The following CACNA2D3 variants were observed in gnomAD, a reference collection of about 807,000 sequenced individuals.
The protein encoded by CACNA2D3 is voltage-dependent calcium channel subunit alpha-2/delta-3.
CACNA2D3 carries 60 observed loss-of-function variants against 160.6 expected under a neutral mutation model. That is an observed-to-expected ratio of 0.37 (90% CI 0.30 to 0.46). The LOEUF (loss-of-function observed/expected upper bound fraction) is 0.46. CACNA2D3 is among the 20% of genes least tolerant of loss of function. CACNA2D3 has a pLI of 1.00. For missense variants in CACNA2D3, 1,205 were observed against 1,365.0 expected (o/e 0.88, Z 1.85); for synonymous variants, 558 against 492.9 (o/e 1.13, Z -1.75).
At chr3:54,986,723 C>A (rs1702622335) in intron 30 of CACNA2D3, among the ~76,000 whole-genome samples, 1 of 146,860 alleles carries the variant, frequency 6.8e-6, no homozygotes, top group African/African-American at 2.5e-5. Context: ...TATTGCAGTG[C>A]CCTCCACCCA....
At chr3:54,493,985 C>T (rs1701157847) in intron 4 of CACNA2D3, among the ~76,000 whole-genome samples, 1 of 152,236 alleles carries the variant, frequency 6.6e-6, no homozygotes, top group Admixed American at 6.5e-5. Flanking sequence ...TGAACCACTT[C>T]CTGAGCCTGG....
chr3:54,800,613 A>T (rs1037897851), intron 13 of CACNA2D3, among the ~76,000 whole-genome samples: 3 of 152,196 alleles, frequency 2.0e-5, no homozygotes, highest in African/African-American at 7.2e-5. Context: ...CCTTAGCTAT[A>T]TGTAATATGA....
intron 2 of CACNA2D3, among the ~76,000 whole-genome samples, chr3:54,260,936 C>T (rs11717269): frequency 6.6e-6 from 1 of 152,112 alleles, no homozygotes; most frequent in Non-Finnish European, 1.5e-5. Flanking sequence ...TCATTTCCTC[C>T]AGTTCAGCTT....
chr3:54,588,667 C>T (rs1291902750), intron 9 of CACNA2D3, among the ~76,000 whole-genome samples: 1 of 151,960 alleles, frequency 6.6e-6, no homozygotes, highest in Admixed American at 6.6e-5. Flanking sequence ...AAACAATGAA[C>T]CTATGGTAAC....
intron 35 of CACNA2D3, among the ~76,000 whole-genome samples, chr3:55,024,935 A>C (rs978718264): frequency 2.6e-5 from 4 of 152,154 alleles, no homozygotes; most frequent in South Asian, 2.1e-4. Context: ...TGGTTTTGTG[A>C]GGTAAATGCC....
intron 5 of CACNA2D3, among the ~76,000 whole-genome samples, chr3:54,519,244 G>A (rs1162656055): frequency 1.3e-5 from 2 of 152,230 alleles, no homozygotes; most frequent in East Asian, 3.9e-4. Flanking sequence ...TGGTTTCTAA[G>A]ATGAGAGGTC....
intron 5 of CACNA2D3, among the ~76,000 whole-genome samples, chr3:54,545,510 A>T (rs568103735): frequency 1.3e-5 from 2 of 152,196 alleles, no homozygotes; most frequent in African/African-American, 4.8e-5. Flanking sequence ...GACTTGCAAC[A>T]TTATTTCCCA....
chr3:54,948,418 G>A (rs1025064340), intron 27 of CACNA2D3, among the ~76,000 whole-genome samples: 4 of 152,234 alleles, frequency 2.6e-5, no homozygotes, highest in Non-Finnish European at 5.9e-5. Context: ...GGGCATATAT[G>A]TGTTTGCCTT....
intron 3 of CACNA2D3, among the ~76,000 whole-genome samples, chr3:54,358,899 AT>A: frequency 6.6e-6 from 1 of 152,008 alleles, no homozygotes; most frequent in South Asian, 2.1e-4. Context: ...TTCTAGGACA[AT>A]TTTTTTTCCT....
At chr3:54,211,990 T>G (rs1443493003) in intron 2 of CACNA2D3, among the ~76,000 whole-genome samples, 1 of 151,880 alleles carries the variant, frequency 6.6e-6, no homozygotes, top group Non-Finnish European at 1.5e-5. Flanking sequence ...GGGACAGAAA[T>G]CTCAACTTCA....
At chr3:54,922,818 C>G (rs1196700463) in intron 27 of CACNA2D3, among the ~76,000 whole-genome samples, 1 of 152,108 alleles carries the variant, frequency 6.6e-6, no homozygotes, top group African/African-American at 2.4e-5. Context: ...CACACTCACT[C>G]ACTCCCCCCA....
At chr3:54,509,244 A>T (rs1369463274) in intron 5 of CACNA2D3, among the ~76,000 whole-genome samples, 4 of 151,888 alleles carry the variant, frequency 2.6e-5, no homozygotes, top group African/African-American at 9.7e-5. Flanking sequence ...GCTGTTTAAA[A>T]TTTTTTCCTT....
At chr3:54,179,282 C>A (rs992467174) in intron 2 of CACNA2D3, among the ~76,000 whole-genome samples, 4 of 152,200 alleles carry the variant, frequency 2.6e-5, no homozygotes, top group Admixed American at 6.5e-5. Context: ...TCAGAAGTTG[C>A]CTGTGGATTA....
intron 4 of CACNA2D3, among the ~76,000 whole-genome samples, chr3:54,477,388 C>T (rs1205243064): frequency 1.3e-5 from 2 of 152,080 alleles, no homozygotes; most frequent in Admixed American, 6.6e-5. Context: ...TCCTCCGGAG[C>T]AGACTGCCTC....
rs188391037 is a variant in CACNA2D3 at position 54,165,942 on chromosome 3, A to G, written c.204+42348A>G. Among the ~76,000 whole-genome samples, 138 of 152,334 alleles carry G rather than the reference A, an allele frequency of 9.1e-4. 1 individual carries two copies. Among genetic ancestry groups the G allele is most frequent in the Non-Finnish European group, 1.6e-3 (109 of 68,026 alleles). ...TGTGGTCACCAGAAATATGCATTTG[A>G]TCTCCAGTGGTGTAAACTGAAGTGT... On this transcript the variant is annotated intron_variant, in intron 2 of 37. Coordinates refer to ENST00000474759, the MANE Select transcript of CACNA2D3 (RefSeq NM_018398.3).
At chr3:54,705,422 C>T (rs72872236) in intron 11 of CACNA2D3, among the ~76,000 whole-genome samples, 2,615 of 152,174 alleles carry the variant, frequency 0.017, 81 homozygotes, top group African/African-American at 0.06. Flanking sequence ...TTTGTAAAGA[C>T]GTTGTCCCCA....
In CACNA2D3 at chr3:54,217,061, C is replaced by T. The variant is rs533489788; in HGVS notation, c.204+93467C>T. Reference sequence around the variant, plus strand: ...GAGGCAGCCTCCTGACTGAGGAAGGCCCACGGGACTGAGAGATAGGAGCAG... The same window carrying T: ...GAGGCAGCCTCCTGACTGAGGAAGGTCCACGGGACTGAGAGATAGGAGCAG... On this transcript the variant is annotated intron_variant, in intron 2 of 37. Coordinates refer to ENST00000474759, the MANE Select transcript of CACNA2D3 (RefSeq NM_018398.3). Among the ~76,000 whole-genome samples, 16 of 152,244 alleles carry T rather than the reference C, an allele frequency of 1.1e-4. 1 individual carries two copies. Among genetic ancestry groups the T allele is most frequent in the African/African-American group, 3.9e-4 (16 of 41,544 alleles).
At chr3:54,699,727 G>A (rs971706786) in intron 11 of CACNA2D3, among the ~76,000 whole-genome samples, 6 of 152,104 alleles carry the variant, frequency 3.9e-5, no homozygotes, top group Middle Eastern at 3.2e-3. Context: ...CTATGCCTCC[G>A]TTTGTAGCCT....
intron 14 of CACNA2D3, among the ~76,000 whole-genome samples, chr3:54,822,771 T>C (rs536614004): frequency 0.018 from 1,666 of 93,196 alleles, 65 homozygotes; most frequent in African/African-American, 0.064. Context: ...TCTTTCTTTC[T>C]TTCTTTCTTT....
Sources: allele counts gnomAD v4.1 joint callset (sites outside exome capture counted in the v4.1 genomes callset), GRCh38; gene constraint gnomAD v4.1.1; transcripts MANE v1.5; gene names NCBI Gene and HGNC (gene_info 2026-07-23, HGNC 2026-07-21).